KCNMA1: variants seen among roughly 807,000 people sequenced by gnomAD.
KCNMA1 encodes Calcium-activated potassium channel subunit alpha-1.
In KCNMA1, 29 loss-of-function variants were observed where a neutral mutation model predicts 140.0. The ratio of observed to expected loss-of-function variants is 0.21; its 90% CI spans 0.15 to 0.28. The LOEUF is 0.28. Among genes scored for constraint, KCNMA1 ranks in the 10% least tolerant of loss-of-function variants. KCNMA1 has a pLI of 1.00. For synonymous variants in KCNMA1, 612 were observed against 611.9 expected (o/e 1.00, Z 0.00); for missense variants, 880 against 1,602.2 (o/e 0.55, Z 7.70).
intron 5 of KCNMA1, among the ~76,000 whole-genome samples, chr10:77,134,184 G>A (rs1368314416): frequency 1.3e-5 from 2 of 152,126 alleles, no homozygotes; most frequent in African/African-American, 2.4e-5. Context: ...AATTTCATGT[G>A]TAAAAGGAGT....
chr10:77,225,034 C>A (rs1202152940), intron 3 of KCNMA1, among the ~76,000 whole-genome samples: 1 of 152,126 alleles, frequency 6.6e-6, no homozygotes, highest in Non-Finnish European at 1.5e-5. Flanking sequence ...GAGCATGGTG[C>A]AGAAAAGGCT....
chr10:77,392,362 C>A (rs1242485568), intron 2 of KCNMA1, among the ~76,000 whole-genome samples: 1 of 152,072 alleles, frequency 6.6e-6, no homozygotes, highest in Non-Finnish European at 1.5e-5. Flanking sequence ...TTTGCCCAGG[C>A]CCCTGGGATT....
intron 1 of KCNMA1, among the ~76,000 whole-genome samples, chr10:77,519,612 C>T (rs1372965860): frequency 6.6e-6 from 1 of 152,204 alleles, no homozygotes; most frequent in Non-Finnish European, 1.5e-5. Flanking sequence ...CAGCTGGCTC[C>T]TGCTGCCATT....
intron 2 of KCNMA1, among the ~76,000 whole-genome samples, chr10:77,290,771 A>T (rs1437237729): frequency 6.6e-6 from 1 of 152,184 alleles, no homozygotes; most frequent in Non-Finnish European, 1.5e-5. Context: ...AGGGCAGGAG[A>T]CAGAAAGACT....
intron 20 of KCNMA1, among the ~76,000 whole-genome samples, chr10:76,961,701 C>A (rs751841367): frequency 6.6e-6 from 1 of 152,134 alleles, no homozygotes; most frequent in Admixed American, 6.5e-5. Flanking sequence ...TACCACCCCC[C>A]GATCAGACAG....
chr10:77,397,383 C>T lies in KCNMA1; in HGVS notation c.540+6479G>A, dbSNP rs185208537. On this transcript the variant is annotated intron_variant, in intron 2 of 27. Transcript: ENST00000286628. Reference sequence around the variant, plus strand: ...CGTTGTATTGACATATAATAGTGTACATATTTTGGGGGATGCATGTGATAT... The same window carrying T: ...CGTTGTATTGACATATAATAGTGTATATATTTTGGGGGATGCATGTGATAT... Among the ~76,000 whole-genome samples, 26 of 152,208 alleles carry T rather than the reference C, an allele frequency of 1.7e-4. 1 individual carries two copies. Among genetic ancestry groups the T allele is most frequent in the Admixed American group, 1.4e-3 (22 of 15,284 alleles).
At chr10:77,007,060 T>C (rs1028768005) in intron 18 of KCNMA1, among the ~76,000 whole-genome samples, 1 of 152,210 alleles carries the variant, frequency 6.6e-6, no homozygotes, top group Non-Finnish European at 1.5e-5. Context: ...GCCATTGGAC[T>C]GAACTGTTCC....
chr10:76,948,005 TTG>T (rs1565118103), intron 22 of KCNMA1, among the ~76,000 whole-genome samples: 19 of 151,016 alleles, frequency 1.3e-4, no homozygotes, highest in African/African-American at 4.4e-4. Context: ...GTTTCTTGTT[TTG>T]TTTTTGTTTT....
At chr10:77,301,463 A>G (rs901009864) in intron 2 of KCNMA1, among the ~76,000 whole-genome samples, 1 of 152,200 alleles carries the variant, frequency 6.6e-6, no homozygotes, top group African/African-American at 2.4e-5. Context: ...AAAACTTTTA[A>G]GTAAATCTGT....
chr10:76,870,344 C>T (rs148803559), exon 28 of KCNMA1: 3,068 of 152,326 alleles, frequency 0.02, 52 homozygotes, highest in Middle Eastern at 0.058. Flanking sequence ...ACAGTGGGGC[C>T]CGGTAGTGCT....
intron 3 of KCNMA1, among the ~76,000 whole-genome samples, chr10:77,185,794 G>T (rs2098845050): frequency 6.6e-6 from 1 of 152,092 alleles, no homozygotes; most frequent in South Asian, 2.1e-4. Context: ...CAAGGTTTGG[G>T]CTGGGTGGGA....
At chr10:77,065,680 G>A (rs1236634967) in intron 14 of KCNMA1, among the ~76,000 whole-genome samples, 3 of 152,078 alleles carry the variant, frequency 2.0e-5, no homozygotes. Flanking sequence ...TGGGATATTT[G>A]TAATGTACTC....
intron 3 of KCNMA1, among the ~76,000 whole-genome samples, chr10:77,211,494 T>C (rs1006107476): frequency 3.3e-5 from 5 of 152,146 alleles, no homozygotes; most frequent in African/African-American, 1.2e-4. Context: ...CCTCAAACTA[T>C]AAAATCTTTG....
intron 1 of KCNMA1, among the ~76,000 whole-genome samples, chr10:77,456,796 T>C (rs1171978212): frequency 2.6e-5 from 4 of 152,132 alleles, no homozygotes; most frequent in Non-Finnish European, 5.9e-5. Flanking sequence ...ACACAGTTGA[T>C]TCTGGAGAGG....
downstream of KCNMA1, among the ~76,000 whole-genome samples, chr10:76,882,432 C>T (rs2035041716): frequency 6.6e-6 from 1 of 152,156 alleles, no homozygotes; most frequent in South Asian, 2.1e-4. Context: ...CTGTCCCGCG[C>T]TTGTGATAGG....
At chr10:76,869,729 G>A (rs2030839903) in exon 28 of KCNMA1, 1 of 152,552 alleles carries the variant, frequency 6.6e-6, no homozygotes, top group Non-Finnish European at 1.5e-5. Context: ...GACAGAGTTG[G>A]GTAGATCATT....
At chr10:76,877,564 A>G, downstream of KCNMA1, 1 of 539,732 alleles carries the variant, frequency 1.9e-6, no homozygotes, top group South Asian at 2.2e-5. Flanking sequence ...CTTTTCCAAA[A>G]TACATGGAAG....
intron 1 of KCNMA1, among the ~76,000 whole-genome samples, chr10:77,496,334 C>G (rs143650328): frequency 1.3e-5 from 2 of 152,094 alleles, no homozygotes; most frequent in Admixed American, 6.5e-5. Context: ...CGGTGGCTCA[C>G]GCCTGTAATC....
chr10:77,420,764 G>A (rs1379631879), intron 1 of KCNMA1, among the ~76,000 whole-genome samples: 2 of 152,068 alleles, frequency 1.3e-5, no homozygotes, highest in Non-Finnish European at 2.9e-5. Context: ...AACACAAAGG[G>A]CCTGGCAGGA....
Sources: gnomAD v4.1 joint callset for allele counts (sites outside exome capture counted in the v4.1 genomes callset) on GRCh38, gnomAD v4.1.1 for gene constraint, MANE v1.5 for transcripts, NCBI Gene and HGNC (gene_info 2026-07-23, HGNC 2026-07-21) for gene names.